Variants in SHISA6 observed in about 807,000 individuals in gnomAD.
The protein encoded by SHISA6 is shisa family member 6.
A neutral mutation model predicts 47.9 loss-of-function variants in SHISA6; 22 were observed. The ratio of observed to expected loss-of-function variants is 0.46; its 90% CI spans 0.33 to 0.66. SHISA6 has a LOEUF of 0.66. Among genes scored for constraint, SHISA6 ranks in the 30% least tolerant of loss-of-function variants. The pLI is 0.02. For synonymous variants in SHISA6, 388 were observed against 337.8 expected, an observed-to-expected ratio of 1.15 and a Z score of -1.63; for missense variants, 680 against 764.6, an observed-to-expected ratio of 0.89 and a Z score of 1.30.
intron 4 of SHISA6, among the ~76,000 whole-genome samples, chr17:11,552,534 T>A (rs752407886): frequency 5.3e-4 from 81 of 152,214 alleles, no homozygotes; most frequent in Non-Finnish European, 6.0e-4. Context: ...AAAATCTATT[T>A]TTGGCACCTG....
At chr17:11,441,074 C>G (rs1157845782) in intron 3 of SHISA6, among the ~76,000 whole-genome samples, 1 of 152,158 alleles carries the variant, frequency 6.6e-6, no homozygotes, top group African/African-American at 2.4e-5. Context: ...ATCAGCCTCT[C>G]CTGAGGAACA....
intron 2 of SHISA6, among the ~76,000 whole-genome samples, chr17:11,325,860 A>C (rs1196524794): frequency 6.6e-6 from 1 of 152,158 alleles, no homozygotes; most frequent in African/African-American, 2.4e-5. Flanking sequence ...ATTATATGCA[A>C]TCTCTAGTTA....
intron 3 of SHISA6, among the ~76,000 whole-genome samples, chr17:11,525,650 AAC>A (rs1491036359): frequency 0.066 from 2,912 of 44,308 alleles, 475 homozygotes; most frequent in African/African-American, 0.14. Flanking sequence ...AAAAAAAAAA[AAC>A]AAAAAAAAAA....
chr17:11,429,668 A>G (rs554044795), intron 3 of SHISA6, among the ~76,000 whole-genome samples: 3 of 151,628 alleles, frequency 2.0e-5, no homozygotes, highest in Non-Finnish European at 4.4e-5. Context: ...GCGCATGCCT[A>G]TAATCCCACC....
intron 3 of SHISA6, among the ~76,000 whole-genome samples, chr17:11,422,343 G>A (rs935147329): frequency 6.6e-5 from 10 of 152,144 alleles, no homozygotes; most frequent in Admixed American, 5.9e-4. Flanking sequence ...ATACCTGTGA[G>A]TGACTTGAGG....
chr17:11,478,755 G>C (rs1400064546), intron 3 of SHISA6, among the ~76,000 whole-genome samples: 1 of 120,106 alleles, frequency 8.3e-6, no homozygotes, highest in Non-Finnish European at 1.7e-5. Context: ...ATTTCTGAGG[G>C]CTCTGTTCTG....
intron 2 of SHISA6, among the ~76,000 whole-genome samples, chr17:11,291,856 C>G (rs1340938146): frequency 1.3e-5 from 2 of 152,072 alleles, no homozygotes; most frequent in Non-Finnish European, 2.9e-5. Context: ...ATCAGTTTGA[C>G]TAGATTAGGG....
At chr17:11,331,953 C>G (rs1323753664) in intron 2 of SHISA6, among the ~76,000 whole-genome samples, 2 of 152,234 alleles carry the variant, frequency 1.3e-5, no homozygotes, top group East Asian at 3.9e-4. Context: ...CACAGATGCT[C>G]ACACTGCCGG....
intron 1 of SHISA6, among the ~76,000 whole-genome samples, chr17:11,263,057 C>G (rs1200866722): frequency 6.6e-6 from 1 of 152,168 alleles, no homozygotes; most frequent in African/African-American, 2.4e-5. Flanking sequence ...CTATAGATAC[C>G]TGCCTGGCAT....
chr17:11,272,073 C>A (rs1908692355), intron 2 of SHISA6, among the ~76,000 whole-genome samples: 2 of 152,180 alleles, frequency 1.3e-5, no homozygotes, highest in Non-Finnish European at 2.9e-5. Flanking sequence ...CTCAGCCCAT[C>A]TCCTCCGCTC....
At chr17:11,455,952 G>A (rs955410843) in intron 3 of SHISA6, among the ~76,000 whole-genome samples, 1 of 152,120 alleles carries the variant, frequency 6.6e-6, no homozygotes, top group Non-Finnish European at 1.5e-5. Flanking sequence ...GAAGGATTGA[G>A]GTTTGACCGT....
At chr17:11,309,308 G>A (rs1355121347) in intron 2 of SHISA6, among the ~76,000 whole-genome samples, 1 of 152,178 alleles carries the variant, frequency 6.6e-6, no homozygotes, top group Admixed American at 6.5e-5. Context: ...TACAGAACTG[G>A]CCTTCATCAT....
intron 3 of SHISA6, among the ~76,000 whole-genome samples, chr17:11,464,582 C>A (rs1915765246): frequency 6.6e-6 from 1 of 152,206 alleles, no homozygotes; most frequent in Non-Finnish European, 1.5e-5. Flanking sequence ...GGGAGCCAAG[C>A]AAGCTCAGAG....
intron 2 of SHISA6, among the ~76,000 whole-genome samples, chr17:11,267,616 C>T (rs746800857): frequency 1.3e-5 from 2 of 152,158 alleles, no homozygotes; most frequent in Non-Finnish European, 2.9e-5. Flanking sequence ...GAGAACTGAG[C>T]TCTTAAAGTT....
intron 1 of SHISA6, among the ~76,000 whole-genome samples, chr17:11,247,531 C>G (rs1055456409): frequency 6.6e-6 from 1 of 152,084 alleles, no homozygotes; most frequent in Non-Finnish European, 1.5e-5. Flanking sequence ...TTGCTCATAG[C>G]CCTTGATGAT....
chr17:11,494,381 GA>G (rs1170164041), intron 3 of SHISA6, among the ~76,000 whole-genome samples: 1 of 152,134 alleles, frequency 6.6e-6, no homozygotes. Flanking sequence ...TCTGTTTTCT[GA>G]ATTGTTTGTT....
At chr17:11,521,608 A>AC (rs1410417869) in intron 3 of SHISA6, among the ~76,000 whole-genome samples, 3 of 47,316 alleles carry the variant, frequency 6.3e-5, no homozygotes, top group African/African-American at 2.3e-4. Context: ...ACATAGTGAG[A>AC]CCCCAGGGCA....
At chr17:11,244,042 T>C (rs2142130971) in intron 1 of SHISA6, among the ~76,000 whole-genome samples, 1 of 152,276 alleles carries the variant, frequency 6.6e-6, no homozygotes, top group East Asian at 1.9e-4. Context: ...CTGTCCCTCT[T>C]GGTGTTTTCT....
chr17:11,351,712 C>T (rs1911899200), intron 2 of SHISA6, among the ~76,000 whole-genome samples: 2 of 152,216 alleles, frequency 1.3e-5, no homozygotes, highest in Admixed American at 1.3e-4. Flanking sequence ...CTGGCATAGG[C>T]CCTAAGCACA....
Sources: allele counts gnomAD v4.1 joint callset (sites outside exome capture counted in the v4.1 genomes callset), GRCh38; gene constraint gnomAD v4.1.1; transcripts MANE v1.5; gene names NCBI Gene and HGNC (gene_info 2026-07-23, HGNC 2026-07-21).